CFAP46: variants seen among roughly 807,000 people sequenced by gnomAD.
CFAP46 encodes the protein cilia- and flagella-associated protein 46.
In CFAP46, 245 loss-of-function variants were observed where a neutral mutation model predicts 325.7. The ratio of observed to expected loss-of-function variants is 0.75; its 90% CI spans 0.68 to 0.84. The LOEUF (loss-of-function observed/expected upper bound fraction) is 0.84. Ranked by LOEUF, CFAP46 falls within the 40% of genes least tolerant of loss-of-function variation. The pLI is 0.00. For missense variants in CFAP46, 3,346 were observed against 3,543.0 expected, an observed-to-expected ratio of 0.94 and a Z score of 1.41; for synonymous variants, 1,523 against 1,495.9, an observed-to-expected ratio of 1.02 and a Z score of -0.42.
rs1848871363 is a variant in CFAP46, at chr10:132,869,780, C to G, written c.4512-408G>C. Among the ~76,000 whole-genome samples the G allele has an allele frequency of 6.6e-6, 1 of 152,128 alleles. No homozygotes were observed. Among genetic ancestry groups the G allele is most frequent in the South Asian group, 2.1e-4 (1 of 4,832 alleles). ...CACCAGGAAGCATCCCTGTGCGGGC[C>G]CCGGTGGTCCCTCTTAGCCCCGTGA... On this transcript the variant is annotated intron_variant, in intron 32 of 57. Transcript: ENST00000368586. This position sits in a 1 kb window ranked among gnomAD's most constrained non-coding sequence, Gnocchi z 6.2.
intron 10 of CFAP46, among the ~76,000 whole-genome samples, chr10:132,925,731 T>C (rs910863293): frequency 2.6e-5 from 4 of 152,232 alleles, no homozygotes; most frequent in Non-Finnish European, 5.9e-5. Context: ...CACAGCGGCA[T>C]CGGCACCCGC....
chr10:132,939,027 C>T lies in CFAP46; in HGVS notation c.372-274G>A, dbSNP rs1276770774. Among the ~76,000 whole-genome samples the T allele has an allele frequency of 2.0e-5, 3 of 152,198 alleles. No homozygotes were observed. Among genetic ancestry groups the T allele is most frequent in the Non-Finnish European group, 2.9e-5 (2 of 68,036 alleles). ...CTGTGATGACCCGGCCACAGGCTCC[C>T]GAGTCCAGACCAGGGCCTTCTTCAT... On this transcript the variant is annotated intron_variant, in intron 4 of 57. Coordinates refer to ENST00000368586, the MANE Select transcript of CFAP46 (RefSeq NM_001200049.3). This position sits in a 1 kb window ranked among gnomAD's most constrained non-coding sequence, Gnocchi z 4.6.
intron 16 of CFAP46, among the ~76,000 whole-genome samples, chr10:132,917,898 T>C (rs72861473): frequency 0.036 from 5,161 of 143,166 alleles, 125 homozygotes; most frequent in African/African-American, 0.057. Context: ...AGTTCCAGGA[T>C]GCACCTCAGC....
chr10:132,912,379 TTCTCTCGCC>T (rs1211381640), intron 19 of CFAP46, among the ~76,000 whole-genome samples: 3 of 138,872 alleles, frequency 2.2e-5, no homozygotes, highest in Non-Finnish European at 4.7e-5. Context: ...TTCTCTCTGC[TTCTCTCGCC>T]TCTCTCTCCT....
At chr10:132,918,702 G>A (rs564187610) in intron 15 of CFAP46, among the ~76,000 whole-genome samples, 182 bp from the exon 16 acceptor site, 7 of 152,312 alleles carry the variant, frequency 4.6e-5, no homozygotes, top group African/African-American at 9.6e-5. Context: ...GGAGCTCTCC[G>A]TGGGATGGCG....
At chr10:132,917,876 T>C (rs75528577) in intron 16 of CFAP46, among the ~76,000 whole-genome samples, 4,952 of 149,780 alleles carry the variant, frequency 0.033, 84 homozygotes, top group African/African-American at 0.055. Context: ...CACCTCAGCA[T>C]TGATAAGCCC....
chr10:132,851,991 C>G (rs945722614), intron 39 of CFAP46, among the ~76,000 whole-genome samples: 1 of 151,916 alleles, frequency 6.6e-6, no homozygotes, highest in Non-Finnish European at 1.5e-5. Flanking sequence ...GATCCTGATC[C>G]ACAGACCTGG....
At chr10:132,834,603 T>C (rs1361227715) in intron 48 of CFAP46, 51 bp downstream of exon 48, 1 of 1,600,820 alleles carries the variant, frequency 6.2e-7, no homozygotes, top group Middle Eastern at 1.7e-4. Flanking sequence ...TGGACACACG[T>C]GTCCATGCGT....
At chr10:132,836,342 G>A in intron 45 of CFAP46, 124 bp from the exon 46 acceptor site, 2 of 854,260 alleles carry the variant, frequency 2.3e-6, no homozygotes, top group South Asian at 1.5e-5. Context: ...ACGCCCAGCA[G>A]GGCCCTCCCC....
rs192016898 is a variant in CFAP46 at position 132,941,836 on chromosome 10, C to G, written c.175-114G>C. 752 of 1,535,966 alleles carry G rather than the reference C, an allele frequency of 4.9e-4. 1 individual carries two copies. In the African/African-American group the frequency reaches 9.1e-3, roughly 19 times the overall value. ...CCCCCAGCACAGGTGGAGCCTGTTT[C>G]CAGCCCCATCCTCCATCCTGGCCCC... On this transcript the variant is annotated intron_variant, in intron 2 of 57. Transcript: ENST00000368586.
intron 13 of CFAP46, among the ~76,000 whole-genome samples, chr10:132,920,631 G>A (rs912423847): frequency 7.2e-5 from 11 of 152,202 alleles, no homozygotes; most frequent in African/African-American, 2.2e-4. Context: ...ACGAGCACCC[G>A]GAACTCAGCT....
Position 132,808,685 on chromosome 10 carries a change from G to A in CFAP46, c.7884C>T (p.Pro2628=). Reference sequence around the variant, plus strand: ...GGAAGGGGAGAGCGAGCTGGGAGCTGGGGATGGGAGCCGGGAGGTGGGGAT... The same window carrying A: ...GGAAGGGGAGAGCGAGCTGGGAGCTAGGGATGGGAGCCGGGAGGTGGGGAT... The part of the protein sequence containing the change: ...PTHPHLPAPI[P]SSQLALPFLG... The change falls in exon 58 of 58, where the codon CCC becomes CCT. Residue 2628 remains proline, a synonymous_variant. Coordinates refer to ENST00000368586, the MANE Select transcript of CFAP46 (RefSeq NM_001200049.3). The surrounding 1 kb of genome is among the most constrained non-coding windows in gnomAD (Gnocchi z 6.8). 1 of 1,574,724 alleles carries A rather than the reference G, an allele frequency of 6.4e-7. No individual in the cohort carries two copies. Among genetic ancestry groups the A allele is most frequent in the Non-Finnish European group, 8.6e-7 (1 of 1,159,942 alleles).
chr10:132,934,845 T>C lies in CFAP46; in HGVS notation c.773A>G (p.Asp258Gly), dbSNP rs1849967988. ...AATGACACTGATGTCACCTGGTAAA[T>C]CATTTTGCTCCGCTTTTCTAGAAAT... is the stretch of plus-strand genomic sequence containing the variant. ...NMLKAKAEQN[D>G]LPGDISVILR... The change falls in exon 8 of 58, where the codon GAT (aspartate) becomes GGT (glycine). Residue 258 changes from aspartate (D) to glycine (G), a missense_variant. Asp to Gly is a moderately conservative substitution (Grantham distance 94). Coordinates refer to ENST00000368586, the MANE Select transcript of CFAP46 (RefSeq NM_001200049.3). 1.2e-6 allele frequency: 2 copies of C among 1,606,022 alleles called. No individual in the cohort carries two copies. Among genetic ancestry groups the C allele is most frequent in the Admixed American group, 3.3e-5 (2 of 59,784 alleles).
At position 132,876,580 on chromosome 10, in the gene CFAP46, A is replaced by G. The variant is rs182674598; in HGVS notation, c.4362+232T>C. 9.8e-3 allele frequency among the ~76,000 whole-genome samples: 1,498 copies of G among 152,244 alleles called. 15 individuals carry two copies. The highest frequency in any genetic ancestry group is 0.043 in the South Asian group (209 of 4,812). ...TTGTCATGAACACCTGTCCTGTCTC[A>G]CTAGGTACGTGTTGGACTTGAGTGG... On this transcript the variant is annotated intron_variant, in intron 31 of 57. Transcript: ENST00000368586. The surrounding 1 kb of genome is among the most constrained non-coding windows in gnomAD (Gnocchi z 4.1).
intron 44 of CFAP46, among the ~76,000 whole-genome samples, chr10:132,837,830 CAG>C (rs1206564654): frequency 2.0e-5 from 3 of 151,314 alleles, no homozygotes; most frequent in Non-Finnish European, 4.4e-5. Context: ...TGCACACACA[CAG>C]ACATGCACGG....
chr10:132,934,255 C>A (rs1849957860), intron 8 of CFAP46, among the ~76,000 whole-genome samples: 1 of 137,594 alleles, frequency 7.3e-6, no homozygotes, highest in Admixed American at 7.2e-5. Flanking sequence ...GGGACAAACC[C>A]CCCCACCCAC....
chr10:132,892,542 G>T, intron 24 of CFAP46, 125 bp from the exon 25 acceptor site: 1 of 824,672 alleles, frequency 1.2e-6, no homozygotes, highest in Non-Finnish European at 1.9e-6. Context: ...ATTGCCATAA[G>T]CAGCTGTAAA....
chr10:132,908,375 G>A (rs961211958), intron 22 of CFAP46, 93 bp downstream of exon 22: 1 of 1,430,574 alleles, frequency 7.0e-7, no homozygotes, highest in Non-Finnish European at 9.5e-7. Flanking sequence ...GAACTGGTGG[G>A]GCGCTCACCT....
At chr10:132,822,223 G>GA (rs2134861535) in intron 50 of CFAP46, among the ~76,000 whole-genome samples, 1 of 139,160 alleles carries the variant, frequency 7.2e-6, no homozygotes, top group East Asian at 2.1e-4. Flanking sequence ...GATGTGTGCT[G>GA]TGTGCGGTGA....
Sources: allele counts gnomAD v4.1 joint callset (sites outside exome capture counted in the v4.1 genomes callset), GRCh38; gene constraint gnomAD v4.1.1; non-coding constraint Gnocchi (gnomAD v3.1); transcripts MANE v1.5; gene names NCBI Gene and HGNC (gene_info 2026-07-23, HGNC 2026-07-21).